The following NTM variants were observed in gnomAD, a reference collection of about 807,000 sequenced individuals.
The protein encoded by NTM is neurotrimin.
Under a neutral mutation model 42.1 loss-of-function variants are expected in NTM, and 13 were observed. That is an observed-to-expected ratio of 0.31 (90% confidence interval 0.20 to 0.49). NTM has a LOEUF of 0.49. NTM is among the 20% of genes least tolerant of loss of function. NTM has a pLI of 0.99. For missense variants in NTM, 373 were observed against 452.8 expected (o/e 0.82, Z 1.60); for synonymous variants, 187 against 179.2 (o/e 1.04, Z -0.35).
At chr11:131,510,877 C>T (rs1377581353) in intron 1 of NTM, among the ~76,000 whole-genome samples, 3 of 152,124 alleles carry the variant, frequency 2.0e-5, no homozygotes, top group Non-Finnish European at 2.9e-5. Context: ...CCCCCTGGGC[C>T]GTGGGAAGAG....
At chr11:131,424,280 G>A (rs1947828679) in intron 1 of NTM, among the ~76,000 whole-genome samples, 1 of 152,108 alleles carries the variant, frequency 6.6e-6, no homozygotes, top group Non-Finnish European at 1.5e-5. Flanking sequence ...CCTATGTCCT[G>A]CTAAGGTATT....
intron 1 of NTM, among the ~76,000 whole-genome samples, chr11:131,731,598 C>T (rs2079695471): frequency 6.6e-6 from 1 of 152,138 alleles, no homozygotes; most frequent in African/African-American, 2.4e-5. Flanking sequence ...CTTTCCAGTC[C>T]TCCACGTGGA....
At chr11:131,507,183 C>A (rs968076581) in intron 1 of NTM, among the ~76,000 whole-genome samples, 1 of 152,088 alleles carries the variant, frequency 6.6e-6, no homozygotes, top group Non-Finnish European at 1.5e-5. Context: ...TTGCAGGGAA[C>A]CTAAGTTGAA....
intron 1 of NTM, among the ~76,000 whole-genome samples, chr11:131,637,931 A>G (rs2064618993): frequency 6.6e-6 from 1 of 152,128 alleles, no homozygotes. Context: ...CTCTTCCTAT[A>G]AATCAGTTTC....
intron 2 of NTM, among the ~76,000 whole-genome samples, chr11:132,116,762 GAC>G (rs1238212174): frequency 1.3e-5 from 2 of 152,242 alleles, no homozygotes; most frequent in Non-Finnish European, 2.9e-5. Flanking sequence ...TGCTGAGGAT[GAC>G]AGTTATAGAC....
intron 4 of NTM, among the ~76,000 whole-genome samples, chr11:132,241,104 T>G (rs536776541): frequency 2.0e-5 from 3 of 152,234 alleles, no homozygotes; most frequent in Non-Finnish European, 2.9e-5. Flanking sequence ...ATTTTATGTT[T>G]AGACTTGGGA....
At chr11:132,208,467 C>A (rs1303601829) in intron 3 of NTM, among the ~76,000 whole-genome samples, 3 of 152,230 alleles carry the variant, frequency 2.0e-5, no homozygotes, top group Non-Finnish European at 4.4e-5. Context: ...ACAGCAAGCA[C>A]TTCTCAACTT....
At chr11:131,649,616 C>T (rs1193639825) in intron 1 of NTM, among the ~76,000 whole-genome samples, 1 of 152,098 alleles carries the variant, frequency 6.6e-6, no homozygotes, top group African/African-American at 2.4e-5. Context: ...GAGTTAATCG[C>T]CTCGTTCAGC....
intron 2 of NTM, among the ~76,000 whole-genome samples, chr11:132,110,578 A>G (rs760696607): frequency 1.1e-4 from 16 of 152,228 alleles, no homozygotes; most frequent in Non-Finnish European, 1.6e-4. Flanking sequence ...TTGAAATTTT[A>G]TGGCAAAAGA....
chr11:131,517,976 T>C (rs1207778820), intron 1 of NTM, among the ~76,000 whole-genome samples: 1 of 152,260 alleles, frequency 6.6e-6, no homozygotes. Flanking sequence ...ATTCTGTCTG[T>C]AACAATAGGT....
intron 2 of NTM, among the ~76,000 whole-genome samples, chr11:132,128,207 A>G (rs2066177942): frequency 6.6e-6 from 1 of 150,830 alleles, no homozygotes; most frequent in Non-Finnish European, 1.5e-5. Flanking sequence ...ACTAAAGTAT[A>G]TGAATCCAAT....
At chr11:131,687,878 C>T (rs1245235045) in intron 1 of NTM, among the ~76,000 whole-genome samples, 1 of 152,192 alleles carries the variant, frequency 6.6e-6, no homozygotes, top group African/African-American at 2.4e-5. Context: ...CCTCCAGCCC[C>T]ACACTCACAT....
intron 1 of NTM, among the ~76,000 whole-genome samples, chr11:131,422,643 A>G (rs538816318): frequency 6.6e-6 from 1 of 152,204 alleles, no homozygotes; most frequent in Non-Finnish European, 1.5e-5. Context: ...CTAGACAACT[A>G]TCTGGGCAGG....
Position 132,223,874 on chromosome 11 carries a change from G to A in NTM, c.526+11727G>A, listed in dbSNP as rs544933535. Among the ~76,000 whole-genome samples, 22 of 152,296 alleles carry A rather than the reference G, an allele frequency of 1.4e-4. 1 individual carries two copies. The South Asian group carries it at 4.6e-3, about 32-fold the overall frequency. On this transcript the variant is annotated intron_variant, in intron 4 of 8. Coordinates refer to ENST00000683400, the MANE Select transcript of NTM (RefSeq NM_001352005.2). ...CAGAGGGGAAGGCCCATGAGAAGAT[G>A]AGGCCAGGTAGGTGACAGCGCAGGT...
chr11:132,054,087 C>T (rs1159824570), intron 2 of NTM, among the ~76,000 whole-genome samples: 1 of 152,172 alleles, frequency 6.6e-6, no homozygotes, highest in Non-Finnish European at 1.5e-5. Flanking sequence ...TGGTGACACA[C>T]GTCTATAGTC....
chr11:132,333,509 G>A (rs1054307464), intron 8 of NTM, among the ~76,000 whole-genome samples: 4 of 152,172 alleles, frequency 2.6e-5, no homozygotes, highest in Non-Finnish European at 5.9e-5. Context: ...GTTAGTGACC[G>A]ATCCTAAATG....
At chr11:131,938,418 A>G (rs558420724) in intron 2 of NTM, among the ~76,000 whole-genome samples, 13 of 152,364 alleles carry the variant, frequency 8.5e-5, no homozygotes, top group African/African-American at 3.1e-4. Flanking sequence ...TTAGGGAAAG[A>G]AAACGGAAGT....
In NTM at chr11:131,682,971, AACACCAGCTCCCC is replaced by A. The variant is rs200816307; in HGVS notation, c.83-228590_83-228578del. Among the ~76,000 whole-genome samples the A allele has an allele frequency of 1.8e-4, 28 of 152,278 alleles. No homozygotes were observed. The East Asian group carries it at 3.7e-3, about 20-fold the overall frequency. On this transcript the variant is annotated intron_variant, in intron 1 of 8. Transcript: ENST00000683400. The stretch of plus-strand genomic sequence containing the variant: ...GGCAGGTAGATGTCGTACACATCCC[AACACCAGCTCCCC>A]ACCGTTCTCTCTCTATCACGCAAGC...
chr11:131,628,791 G>T (rs1441322182), intron 1 of NTM, among the ~76,000 whole-genome samples: 2 of 152,310 alleles, frequency 1.3e-5, no homozygotes, highest in Admixed American at 6.5e-5. Context: ...GTGCTAAAGT[G>T]CTGTTCATGT....
Sources: allele counts gnomAD v4.1 joint callset (sites outside exome capture counted in the v4.1 genomes callset), GRCh38; gene constraint gnomAD v4.1.1; transcripts MANE v1.5; gene names NCBI Gene and HGNC (gene_info 2026-07-23, HGNC 2026-07-21).